The following KAZN variants were observed in gnomAD, a reference collection of about 807,000 sequenced individuals.
KAZN encodes kazrin, periplakin interacting protein, also known as kazrin.
KAZN carries 40 observed loss-of-function variants against 87.4 expected under a neutral mutation model. That is an observed-to-expected ratio of 0.46 (90% CI 0.36 to 0.60). KAZN has a LOEUF of 0.60. Among genes scored for constraint, KAZN ranks in the 20% least tolerant of loss-of-function variants. The probability of loss-of-function intolerance (pLI) is 0.00; values close to 1 mark genes in which losing one functional copy is unlikely to be tolerated. For missense variants in KAZN, 898 were observed against 1,073.9 expected (o/e 0.84, Z 2.29); for synonymous variants, 466 against 458.3 (o/e 1.02, Z -0.22).
At chr1:14,615,303 C>T (rs1488510299) in intron 1 of KAZN, among the ~76,000 whole-genome samples, 4 of 152,288 alleles carry the variant, frequency 2.6e-5, no homozygotes, top group African/African-American at 9.6e-5. Flanking sequence ...TGGGTTCTAG[C>T]CTCGAGCCTG....
chr1:14,467,947 T>C (rs1045323965), intron 2 of KAZN, among the ~76,000 whole-genome samples: 2 of 152,176 alleles, frequency 1.3e-5, no homozygotes, highest in African/African-American at 4.8e-5. Context: ...CTGAGCTAGT[T>C]TCCAGGCCCA....
chr1:14,770,212 A>G (rs1007166811), intron 1 of KAZN, among the ~76,000 whole-genome samples: 2 of 152,224 alleles, frequency 1.3e-5, no homozygotes, highest in East Asian at 1.9e-4. Flanking sequence ...TTAAACAGGC[A>G]TGGTGCCTGA....
chr1:14,675,007 G>A (rs1187219955), intron 1 of KAZN, among the ~76,000 whole-genome samples: 2 of 152,158 alleles, frequency 1.3e-5, no homozygotes, highest in East Asian at 3.9e-4. Context: ...AGGTTGGTCA[G>A]GATAATTTTA....
In KAZN at chr1:13,945,710, T is replaced by TGTGTGTGTGTGTGA. The variant is rs757118365; in HGVS notation, c.91+51955_91+51956insTGTGTGTGTGTGAG. ...GTGTGTGTGTGTGTGTGTGTGTGTG[T>TGTGTGTGTGTGTGA]GAGAGAGAGAGAGAGAGAGAGAGAG... On this transcript the variant is annotated intron_variant, in intron 1 of 16. Coordinates refer to the KAZN transcript ENST00000636203. 3.9e-4 allele frequency among the ~76,000 whole-genome samples: 54 copies of TGTGTGTGTGTGTGA among 137,258 alleles called. 1 individual carries two copies. The highest frequency in any genetic ancestry group is 1.0e-3 in the African/African-American group (35 of 34,574). 90.0% of individuals were successfully genotyped at this position (137,258 alleles called of 152,430 possible).
At chr1:14,409,615 C>T (rs372473362) in intron 2 of KAZN, among the ~76,000 whole-genome samples, 1 of 152,132 alleles carries the variant, frequency 6.6e-6, no homozygotes, top group Admixed American at 6.5e-5. Flanking sequence ...GAAGCCAACA[C>T]AAAACGGCCA....
chr1:14,174,832 GTC>G (rs1646034187), intron 1 of KAZN, among the ~76,000 whole-genome samples: 1 of 152,158 alleles, frequency 6.6e-6, no homozygotes, highest in African/African-American at 2.4e-5. Flanking sequence ...TATACAATCT[GTC>G]TCTAATTCTC....
chr1:14,833,321 CAG>C (rs1330118423), intron 1 of KAZN, among the ~76,000 whole-genome samples: 2 of 152,194 alleles, frequency 1.3e-5, no homozygotes, highest in Non-Finnish European at 2.9e-5. Flanking sequence ...CTCCTAGAAA[CAG>C]ACCCTGAAAC....
At chr1:15,073,608 C>T (rs188268554) in intron 8 of KAZN, among the ~76,000 whole-genome samples, 3 of 152,310 alleles carry the variant, frequency 2.0e-5, no homozygotes, top group Admixed American at 1.3e-4. Context: ...ATCTGACGCC[C>T]CAGGCCAGCC....
intron 2 of KAZN, among the ~76,000 whole-genome samples, chr1:14,579,351 C>T (rs1018353470): frequency 6.6e-6 from 1 of 152,108 alleles, no homozygotes; most frequent in South Asian, 2.1e-4. Flanking sequence ...GTAGTCTGGG[C>T]GTGGTGGCTC....
chr1:14,851,267 G>T (rs931638543), intron 1 of KAZN, among the ~76,000 whole-genome samples: 1 of 152,124 alleles, frequency 6.6e-6, no homozygotes, highest in Non-Finnish European at 1.5e-5. Context: ...CCTGCCCAGG[G>T]GACCACTGCC....
At chr1:14,488,050 T>C (rs999622751) in intron 2 of KAZN, among the ~76,000 whole-genome samples, 4 of 152,160 alleles carry the variant, frequency 2.6e-5, no homozygotes, top group African/African-American at 7.2e-5. Context: ...CCTAACACAA[T>C]ATCCTAGCAT....
At chr1:14,623,664 C>T (rs1233177397) in intron 1 of KAZN, among the ~76,000 whole-genome samples, 1 of 152,156 alleles carries the variant, frequency 6.6e-6, no homozygotes, top group Non-Finnish European at 1.5e-5. Flanking sequence ...CTCTTCTTTT[C>T]TAATATAGGT....
chr1:14,473,716 G>T (rs1389516107), intron 2 of KAZN, among the ~76,000 whole-genome samples: 1 of 150,850 alleles, frequency 6.6e-6, no homozygotes, highest in Non-Finnish European at 1.5e-5. Flanking sequence ...ATCTCATTCT[G>T]TTCCACTTCC....
At chr1:14,722,990 G>A (rs188433789) in intron 1 of KAZN, among the ~76,000 whole-genome samples, 1 of 152,204 alleles carries the variant, frequency 6.6e-6, no homozygotes, top group East Asian at 1.9e-4. Flanking sequence ...GCTGGACGTG[G>A]TGGTGTGCAC....
At chr1:14,488,771 C>A (rs1669486061) in intron 2 of KAZN, among the ~76,000 whole-genome samples, 1 of 152,162 alleles carries the variant, frequency 6.6e-6, no homozygotes, top group Admixed American at 6.5e-5. Context: ...AAGTTTCTTC[C>A]CCCAGGGATC....
chr1:14,885,465 GT>G (rs1348534094), intron 1 of KAZN, among the ~76,000 whole-genome samples: 1 of 152,048 alleles, frequency 6.6e-6, no homozygotes, highest in Non-Finnish European at 1.5e-5. Flanking sequence ...CATATGTCAG[GT>G]CTGCCTGTAG....
intron 2 of KAZN, among the ~76,000 whole-genome samples, chr1:15,024,044 G>A (rs1394345869): frequency 6.6e-6 from 1 of 152,064 alleles, no homozygotes; most frequent in Non-Finnish European, 1.5e-5. Flanking sequence ...GATGTGTTAG[G>A]TTTGAGTTGC....
chr1:15,066,460 G>A lies in KAZN; in HGVS notation c.1222+707G>A, dbSNP rs537011609. ...TGCTCTCTACAAAGACTCGCGAGCC[G>A]GGCCAAGGGGCCTTGTCTTGGCTGG... On this transcript the variant is annotated intron_variant, in intron 8 of 14. Transcript: ENST00000376030. This position sits in a 1 kb window ranked among gnomAD's most constrained non-coding sequence, Gnocchi z 4.3. The A allele has an allele frequency of 1.2e-5, 12 of 985,240 alleles. No individual in the cohort carries two copies. Among genetic ancestry groups the A allele is most frequent in the South Asian group, 4.7e-5 (1 of 21,288 alleles). The allele number at this position is 985,240 out of a possible 1,614,324, so 61.0% of individuals were successfully genotyped here. A position where few individuals can be genotyped will look rare whatever the true frequency, so the allele number is the denominator to read the frequency against.
chr1:15,101,294 T>C (rs1213900384), intron 10 of KAZN, among the ~76,000 whole-genome samples: 1 of 151,876 alleles, frequency 6.6e-6, no homozygotes, highest in Admixed American at 6.6e-5. Context: ...TCTGTGTCCC[T>C]TTCTCTCTCT....
Sources: gnomAD v4.1 joint callset for allele counts (sites outside exome capture counted in the v4.1 genomes callset) on GRCh38, gnomAD v4.1.1 for gene constraint, Gnocchi (gnomAD v3.1) non-coding constraint, MANE v1.5 for transcripts, NCBI Gene and HGNC (gene_info 2026-07-23, HGNC 2026-07-21) for gene names.